The following METTL15 variants were observed in gnomAD, a reference collection of about 807,000 sequenced individuals.
The protein encoded by METTL15 is methyltransferase 15, mitochondrial 12S rRNA N4-cytidine.
A neutral mutation model predicts 38.3 loss-of-function variants in METTL15; 34 were observed. The ratio of observed to expected loss-of-function variants is 0.89; its 90% CI spans 0.68 to 1.18. The LOEUF (loss-of-function observed/expected upper bound fraction) is 1.18, where lower values mean the gene tolerates loss of function less well. METTL15 is among the 50% of genes most tolerant of loss of function. The pLI, the probability that METTL15 is intolerant of heterozygous loss-of-function variation, is 0.00. For synonymous variants in METTL15, 162 were observed against 170.9 expected (o/e 0.95, Z 0.41); for missense variants, 438 against 498.4 (o/e 0.88, Z 1.15).
intron 3 of METTL15, among the ~76,000 whole-genome samples, chr11:28,162,604 A>C (rs904226055): frequency 3.9e-5 from 6 of 152,154 alleles, no homozygotes; most frequent in Admixed American, 3.9e-4. Flanking sequence ...AGATGTCATA[A>C]GTCAAAAATG....
chr11:28,506,462 T>A (rs577053743), intron 6 of METTL15, among the ~76,000 whole-genome samples: 1 of 152,274 alleles, frequency 6.6e-6, no homozygotes, highest in South Asian at 2.1e-4. Context: ...AAAGATTAAA[T>A]GAAACCATAA....
At chr11:28,246,493 C>T (rs1854519494) in intron 4 of METTL15, among the ~76,000 whole-genome samples, 1 of 152,048 alleles carries the variant, frequency 6.6e-6, no homozygotes, top group South Asian at 2.1e-4. Flanking sequence ...AAGCGAGCAA[C>T]TTTTGTACAT....
Position 28,331,908 on chromosome 11 carries a change from T to G in METTL15, c.*1067T>G, listed in dbSNP as rs1182969790. On this transcript the variant is annotated 3_prime_UTR_variant, in exon 7 of 7. Coordinates refer to ENST00000407364, the MANE Select transcript of METTL15 (RefSeq NM_001113528.2). ...TGGAGTATGGAAGGGGGCATGTTGA[T>G]TAACCATACATAGAAATAAATATTC... The G allele has an allele frequency of 6.6e-6, 1 of 152,176 alleles. No individual in the cohort carries two copies. The highest frequency in any genetic ancestry group is 1.9e-4 in the East Asian group (1 of 5,194). 9.4% of individuals were successfully genotyped at this position (152,176 alleles called of 1,614,324 possible).
chr11:28,412,731 TAGGTGGAGGTCAG>T (rs1472796593), intron 5 of METTL15, among the ~76,000 whole-genome samples: 1 of 151,794 alleles, frequency 6.6e-6, no homozygotes, highest in African/African-American at 2.4e-5. Flanking sequence ...ATTGGTACCA[TAGGTGGAGGTCAG>T]AGGGGAGGAG....
intron 6 of METTL15, among the ~76,000 whole-genome samples, chr11:28,315,728 C>T (rs780827993): frequency 6.6e-6 from 1 of 152,316 alleles, no homozygotes; most frequent in African/African-American, 2.4e-5. Context: ...GCCCAAGGCC[C>T]CCCTGTTCTG....
intron 3 of METTL15, among the ~76,000 whole-genome samples, chr11:28,338,795 C>T (rs1028074868): frequency 2.8e-4 from 43 of 152,216 alleles, no homozygotes; most frequent in African/African-American, 9.9e-4. Context: ...AGGACTTCAG[C>T]TTTGGTAATG....
At chr11:28,422,919 A>G (rs1345751948) in intron 5 of METTL15, among the ~76,000 whole-genome samples, 2 of 151,974 alleles carry the variant, frequency 1.3e-5, no homozygotes, top group Admixed American at 6.6e-5. Flanking sequence ...AGCCCATAGA[A>G]TGGGAGAAAA....
chr11:28,160,213 AAT>A (rs1174856499), intron 3 of METTL15, among the ~76,000 whole-genome samples: 3 of 151,106 alleles, frequency 2.0e-5, no homozygotes, highest in Admixed American at 6.6e-5. Flanking sequence ...AATATAATGG[AAT>A]ATATATATAT....
At position 28,296,647 on chromosome 11, in the gene METTL15, C is replaced by T. The variant is rs542059863; in HGVS notation, c.600-106C>T. ...TTCTGACTTTAAAACCTCACTTCTCCTAGAGTATGTGTGTGTGTCTGACTT... is the reference window on the plus strand; with the variant it reads ...TTCTGACTTTAAAACCTCACTTCTCTTAGAGTATGTGTGTGTGTCTGACTT... On this transcript the variant is annotated intron_variant, in intron 5 of 6. Coordinates refer to ENST00000407364, the MANE Select transcript of METTL15 (RefSeq NM_001113528.2). 4.1e-4 allele frequency: 482 copies of T among 1,183,702 alleles called. 6 individuals carry two copies. In the South Asian group the frequency reaches 6.8e-3, roughly 17 times the overall value. The allele number at this position is 1,183,702 out of a possible 1,614,324, so 73.3% of individuals were successfully genotyped here.
At chr11:28,231,561 G>A (rs1287780795) in intron 4 of METTL15, among the ~76,000 whole-genome samples, 1 of 151,734 alleles carries the variant, frequency 6.6e-6, no homozygotes, top group South Asian at 2.1e-4. Flanking sequence ...AGGCCATTGA[G>A]GATATGGCCT....
At chr11:28,403,797 A>G (rs1850650916) in intron 5 of METTL15, among the ~76,000 whole-genome samples, 1 of 152,118 alleles carries the variant, frequency 6.6e-6, no homozygotes, top group Admixed American at 6.6e-5. Context: ...AGCTGTTTTT[A>G]TAACATATCA....
intron 6 of METTL15, among the ~76,000 whole-genome samples, chr11:28,443,675 A>T (rs1851053464): frequency 1.3e-5 from 2 of 152,282 alleles, no homozygotes; most frequent in Admixed American, 1.3e-4. Flanking sequence ...TGCTTAGGCC[A>T]AAAGATATGA....
intron 6 of METTL15, among the ~76,000 whole-genome samples, chr11:28,438,161 C>T (rs1850999732): frequency 6.6e-6 from 1 of 152,198 alleles, no homozygotes; most frequent in Admixed American, 6.5e-5. Context: ...TTCCTTAGAA[C>T]AGCCCAGGAA....
intron 6 of METTL15, among the ~76,000 whole-genome samples, chr11:28,466,640 C>T (rs1178484231): frequency 2.6e-5 from 4 of 152,192 alleles, no homozygotes; most frequent in Non-Finnish European, 5.9e-5. Flanking sequence ...GGTGCTGCGG[C>T]TCCCTCGGTA....
intron 4 of METTL15, among the ~76,000 whole-genome samples, chr11:28,215,758 C>T (rs181757938): frequency 2.9e-4 from 44 of 152,148 alleles, no homozygotes; most frequent in African/African-American, 3.6e-4. Flanking sequence ...GAGGATGGAA[C>T]GAAGAGGATC....
In METTL15 at chr11:28,333,285, T is replaced by G. The variant is rs1213838877; in HGVS notation, c.*2444T>G. The G allele has an allele frequency of 6.6e-6, 1 of 152,188 alleles. No homozygotes were observed. The highest frequency in any genetic ancestry group is 1.5e-5 in the Non-Finnish European group (1 of 68,022). 9.4% of individuals were successfully genotyped at this position (152,188 alleles called of 1,614,324 possible). A position where few individuals can be genotyped will look rare whatever the true frequency, so the allele number is the denominator to read the frequency against. Reference sequence around the variant, plus strand: ...AACACAAAATTGGTTTCAAAATGTTTTCATGTAAAAATAAATTAACTTTTC... The same window carrying G: ...AACACAAAATTGGTTTCAAAATGTTGTCATGTAAAAATAAATTAACTTTTC... On this transcript the variant is annotated 3_prime_UTR_variant, in exon 7 of 7. Transcript: ENST00000407364.
intron 4 of METTL15, among the ~76,000 whole-genome samples, chr11:28,278,770 A>G (rs1322867132): frequency 2.0e-5 from 3 of 152,104 alleles, no homozygotes; most frequent in African/African-American, 4.8e-5. Context: ...TGGTTTGTAC[A>G]TATTTTGTTA....
At chr11:28,450,529 A>T (rs1851111664) in intron 6 of METTL15, among the ~76,000 whole-genome samples, 1 of 152,202 alleles carries the variant, frequency 6.6e-6, no homozygotes, top group African/African-American at 2.4e-5. Flanking sequence ...AAGCTTATTG[A>T]ATGTTGATGG....
intron 6 of METTL15, among the ~76,000 whole-genome samples, chr11:28,314,167 T>C (rs1857400618): frequency 6.6e-6 from 1 of 152,226 alleles, no homozygotes; most frequent in Non-Finnish European, 1.5e-5. Flanking sequence ...TCTGTTGGTC[T>C]TTCAACAAGC....
Sources: allele counts gnomAD v4.1 joint callset (sites outside exome capture counted in the v4.1 genomes callset), GRCh38; gene constraint gnomAD v4.1.1; transcripts MANE v1.5; gene names NCBI Gene and HGNC (gene_info 2026-07-23, HGNC 2026-07-21).